INAVA: variants seen among roughly 807,000 people sequenced by gnomAD.
INAVA encodes innate immunity activator protein.
Under a neutral mutation model 55.3 loss-of-function variants are expected in INAVA, and 32 were observed. The ratio of observed to expected loss-of-function variants is 0.58; its 90% CI spans 0.44 to 0.78. The LOEUF is 0.78. INAVA is among the 30% of genes least tolerant of loss of function. The pLI is 0.00. For missense variants in INAVA, 756 were observed against 786.4 expected (o/e 0.96, Z 0.46); for synonymous variants, 294 against 329.4 (o/e 0.89, Z 1.16).
chr1:200,899,363 G>A (rs370089544), intron 2 of INAVA, 110 bp from the exon 3 acceptor site: 3 of 1,367,096 alleles, frequency 2.2e-6, no homozygotes, highest in Non-Finnish European at 3.0e-6. Flanking sequence ...TGAGATGTGT[G>A]TGTGTGTGTG....
At chr1:200,901,272 A>AACCCAAGAATCAGCT in intron 5 of INAVA, 113 bp downstream of exon 5, 1 of 1,082,584 alleles carries the variant, frequency 9.2e-7, no homozygotes, top group Non-Finnish European at 1.3e-6. Context: ...GGTAAAGCTG[A>AACCCAAGAATCAGCT]TTCTTGGGTT....
chr1:200,904,206 A>C (rs927500591), intron 5 of INAVA, among the ~76,000 whole-genome samples: 16 of 151,670 alleles, frequency 1.1e-4, no homozygotes, highest in African/African-American at 3.9e-4. Flanking sequence ...CTCCTGCCTC[A>C]GCCTCCTGAG....
At chr1:200,899,052 C>T (rs373529385) in intron 2 of INAVA, among the ~76,000 whole-genome samples, 166 of 152,174 alleles carry the variant, frequency 1.1e-3, no homozygotes, top group African/African-American at 3.9e-3. Context: ...CCTAGTCTGG[C>T]CTAGTCTTGA....
chr1:200,908,671 T>C lies in INAVA; in HGVS notation c.575-59T>C, dbSNP rs563926712. 6.9e-5 allele frequency: 98 copies of C among 1,423,592 alleles called. 1 individual carries two copies. The South Asian group carries it at 1.4e-3, about 20-fold the overall frequency. 88.2% of individuals were successfully genotyped at this position (1,423,592 alleles called of 1,614,324 possible). A position where few individuals can be genotyped will look rare whatever the true frequency, so the allele number is the denominator to read the frequency against. ...AGGCATGGGCTGTGGTTTGTGGAGG[T>C]TCTTGTTGGGCCGGTTCCCCCAGCC... is the stretch of plus-strand genomic sequence containing the variant. On this transcript the variant is annotated intron_variant, in intron 6 of 9. Coordinates refer to ENST00000413687, the MANE Select transcript of INAVA (RefSeq NM_001142569.3).
rs1399256041 is a variant in INAVA at position 200,909,361 on chromosome 1, A to G, written c.923A>G (p.Glu308Gly). The change falls in exon 8 of 10, where the codon GAG becomes GGG. Residue 308 changes from glutamate (E) to glycine (G), a missense_variant. By Grantham distance (98) the Glu-to-Gly change is moderately conservative (BLOSUM62 -2). Around this residue, in one of 2 missense-constraint regions of INAVA, gnomAD observed 639 missense variants for 624.3 expected, o/e 1.02. Transcript: ENST00000413687. The part of the protein sequence containing the change: ...QGRTSAPATP[E>G]IQGRRGQSQS... Reference sequence around the variant, plus strand: ...CGCACCAGTGCCCCAGCCACCCCTGAGATACAGGGGAGGAGGGGCCAGTCG... The same window carrying G: ...CGCACCAGTGCCCCAGCCACCCCTGGGATACAGGGGAGGAGGGGCCAGTCG... The G allele has an allele frequency of 3.1e-6, 5 of 1,609,038 alleles. No homozygotes were observed. Among genetic ancestry groups the G allele is most frequent in the Non-Finnish European group, 4.2e-6 (5 of 1,177,352 alleles).
At position 200,898,182 on chromosome 1, in the gene INAVA, C is replaced by T. The variant is rs1653032119; in HGVS notation, c.-94-125C>T. 6 of 1,027,788 alleles carry T rather than the reference C, an allele frequency of 5.8e-6. No homozygotes were observed. The South Asian group carries it at 9.4e-5, about 16-fold the overall frequency. 63.7% of individuals were successfully genotyped at this position (1,027,788 alleles called of 1,614,324 possible). A position where few individuals can be genotyped will look rare whatever the true frequency, so the allele number is the denominator to read the frequency against. ...CACCCCCAGTGCCAGAATCTCCTGC[C>T]CCAGATGGTTCCTGAAGCACAGTCC... is the stretch of plus-strand genomic sequence containing the variant. On this transcript the variant is annotated intron_variant, in intron 1 of 9. Coordinates refer to ENST00000413687, the MANE Select transcript of INAVA (RefSeq NM_001142569.3).
chr1:200,899,998 G>A (rs1054810973), intron 3 of INAVA, 106 bp from the exon 4 acceptor site: 2 of 879,086 alleles, frequency 2.3e-6, no homozygotes, highest in African/African-American at 3.3e-5. Flanking sequence ...GGTGGAGGGT[G>A]GTCCCACCAG....
In INAVA at chr1:200,911,734, G is replaced by A; in HGVS notation, c.1241G>A (p.Gly414Asp). Residue 414 changes from glycine to aspartate, a missense_variant, in exon 9 of 10, where the codon GGC becomes GAC. Around this residue, in one of 2 missense-constraint regions of INAVA, gnomAD observed 639 missense variants for 624.3 expected, o/e 1.02. Coordinates refer to ENST00000413687, the MANE Select transcript of INAVA (RefSeq NM_001142569.3). ...CACCGCGGGGCCTGGGTCCCAGCCG[G>A]CAGCAGAGAGCTGGTCGCCCACCAC... is the stretch of plus-strand genomic sequence containing the variant. Reference protein sequence around the residue: ...HRHRGAWVPAGSRELVAHHPK... With the variant: ...HRHRGAWVPADSRELVAHHPK... 1.2e-6 allele frequency: 2 copies of A among 1,612,342 alleles called. No individual in the cohort carries two copies. Among genetic ancestry groups the A allele is most frequent in the South Asian group, 2.2e-5 (2 of 90,986 alleles).
At chr1:200,895,203 G>A (rs1668318766) in intron 1 of INAVA, 116 bp downstream of exon 1, 4 of 845,656 alleles carry the variant, frequency 4.7e-6, no homozygotes, top group Non-Finnish European at 5.7e-6. Flanking sequence ...GCCAGCCTAT[G>A]TCTGGTGTGT....
chr1:200,897,753 C>T (rs1039298015), intron 1 of INAVA, among the ~76,000 whole-genome samples: 1 of 152,128 alleles, frequency 6.6e-6, no homozygotes, highest in African/African-American at 2.4e-5. Context: ...CCTCAGCCTC[C>T]TGAGTAGCTG....
Position 200,894,928 on chromosome 1 carries a change from C to T in INAVA, c.-254C>T. 1.0e-6 allele frequency: 1 copy of T among 985,786 alleles called. No individual in the cohort carries two copies. Among genetic ancestry groups the T allele is most frequent in the Non-Finnish European group, 1.2e-6 (1 of 830,198 alleles). 61.1% of individuals were successfully genotyped at this position (985,786 alleles called of 1,614,324 possible). A position where few individuals can be genotyped will look rare whatever the true frequency, so the allele number is the denominator to read the frequency against. ...AGCCTGGGAGGGACGGCAAGGTAGG[C>T]AGGTGAGCCGAGACGGACGGACGGC... On this transcript the variant is annotated 5_prime_UTR_variant, in exon 1 of 10. Transcript: ENST00000413687.
intron 5 of INAVA, among the ~76,000 whole-genome samples, chr1:200,903,735 C>T (rs1653365051): frequency 7.5e-6 from 1 of 132,812 alleles, no homozygotes; most frequent in Non-Finnish European, 1.5e-5. Flanking sequence ...ACCCAGGAGG[C>T]GGAGGTTGCG....
intron 2 of INAVA, among the ~76,000 whole-genome samples, chr1:200,898,979 A>C (rs926102845): frequency 1.2e-4 from 18 of 152,086 alleles, no homozygotes; most frequent in South Asian, 8.3e-4. Context: ...ACTCCGTCTC[A>C]AAAAAAATAT....
intron 6 of INAVA, among the ~76,000 whole-genome samples, chr1:200,908,334 G>A (rs1653577123): frequency 6.6e-6 from 1 of 152,218 alleles, no homozygotes. Context: ...GGATCGAGAA[G>A]CTGTTGCAGT....
chr1:200,900,220 G>C lies in INAVA; in HGVS notation c.297G>C (p.Glu99Asp). Reference protein sequence around the residue: ...YKLDDWALHREDPLSSLERQL... With the variant: ...YKLDDWALHRDDPLSSLERQL... ...TGGATGACTGGGCCTTGCACAGAGAGGTGAGGAACCTCAGGAAGCTGCCAG... is the reference window on the plus strand; with the variant it reads ...TGGATGACTGGGCCTTGCACAGAGACGTGAGGAACCTCAGGAAGCTGCCAG... Residue 99 changes from glutamate to aspartate, a missense_variant and splice_region_variant, in exon 4 of 10, where the codon GAG (glutamate) becomes GAC (aspartate). Physicochemically the swap from Glu to Asp is conservative, Grantham distance 45. Around this residue, in one of 2 missense-constraint regions of INAVA, gnomAD observed 639 missense variants for 624.3 expected, o/e 1.02. Transcript: ENST00000413687. 1 of 1,613,380 alleles carries C rather than the reference G, an allele frequency of 6.2e-7. No individual in the cohort carries two copies. Among genetic ancestry groups the C allele is most frequent in the Non-Finnish European group, 8.5e-7 (1 of 1,179,424 alleles).
chr1:200,895,672 T>TGG (rs1427141792), intron 1 of INAVA, among the ~76,000 whole-genome samples: 1 of 152,046 alleles, frequency 6.6e-6, no homozygotes, highest in African/African-American at 2.4e-5. Context: ...CCTACAGCTG[T>TGG]GGAGGGCGGC....
chr1:200,900,016 A>G (rs1028395055), intron 3 of INAVA, 88 bp from the exon 4 acceptor site: 12 of 1,136,352 alleles, frequency 1.1e-5, no homozygotes, highest in East Asian at 2.6e-5. Context: ...CAGGGCTTCT[A>G]TGGAAGGCAG....
intron 5 of INAVA, among the ~76,000 whole-genome samples, chr1:200,907,112 A>G (rs999637332): frequency 1.3e-5 from 2 of 152,028 alleles, no homozygotes; most frequent in African/African-American, 2.4e-5. Context: ...GGCATGAACC[A>G]CCGCGCCTGG....
At chr1:200,899,623 G>C in intron 3 of INAVA, 26 bp downstream of exon 3, 1 of 1,609,502 alleles carries the variant, frequency 6.2e-7, no homozygotes, top group African/African-American at 1.3e-5. Context: ...GCACACACAA[G>C]CATCGGGTTC....
Sources: gnomAD v4.1 joint callset for allele counts (sites outside exome capture counted in the v4.1 genomes callset) on GRCh38, gnomAD v4.1.1 for gene constraint, gnomAD v4.1.1 regional missense constraint, MANE v1.5 for transcripts, NCBI Gene and HGNC (gene_info 2026-07-23, HGNC 2026-07-21) for gene names.